The following PCDHA10 variants were observed in gnomAD, a reference collection of about 807,000 sequenced individuals.
PCDHA10 encodes the protein protocadherin alpha 10, also known as protocadherin alpha-10.
A neutral mutation model predicts 61.2 loss-of-function variants in PCDHA10; 45 were observed. The observed-to-expected ratio is 0.74, with a 90% confidence interval of 0.58 to 0.94. The LOEUF (loss-of-function observed/expected upper bound fraction) is 0.94, where lower values mean the gene tolerates loss of function less well. PCDHA10 is among the 40% of genes least tolerant of loss of function. PCDHA10 has a pLI of 0.00. For synonymous variants in PCDHA10, 602 were observed against 548.8 expected (o/e 1.10, Z -1.35); for missense variants, 1,278 against 1,236.2 (o/e 1.03, Z -0.51).
chr5:140,870,229 C>G, intron 1 of PCDHA10: 3 of 1,614,164 alleles, frequency 1.9e-6, no homozygotes, highest in Non-Finnish European at 2.5e-6. Flanking sequence ...CGTGTCTGAC[C>G]GTGACTCAGG....
chr5:140,969,642 A>G (rs2096350693), intron 1 of PCDHA10: 1 of 206,874 alleles, frequency 4.8e-6, no homozygotes, highest in African/African-American at 2.4e-5. Context: ...GCCTTGGAAT[A>G]GGGATTATGT....
At chr5:141,001,388 TAC>T (rs1234412755) in intron 3 of PCDHA10, among the ~76,000 whole-genome samples, 4 of 152,238 alleles carry the variant, frequency 2.6e-5, no homozygotes, top group Non-Finnish European at 5.9e-5. Flanking sequence ...CCTAAGATCC[TAC>T]AGAGAACAGG....
intron 1 of PCDHA10, among the ~76,000 whole-genome samples, chr5:140,974,881 C>A (rs191346198): frequency 6.6e-6 from 1 of 152,228 alleles, no homozygotes; most frequent in African/African-American, 2.4e-5. Flanking sequence ...GTCTATGTAT[C>A]CCTTTTCTGA....
intron 1 of PCDHA10, among the ~76,000 whole-genome samples, chr5:140,897,960 T>C (rs2066423336): frequency 6.6e-6 from 1 of 152,276 alleles, no homozygotes; most frequent in South Asian, 2.1e-4. Flanking sequence ...CATTTTTTCA[T>C]GTGTCTTTTG....
At chr5:140,943,024 A>C (rs2093406550) in intron 1 of PCDHA10, among the ~76,000 whole-genome samples, 1 of 152,102 alleles carries the variant, frequency 6.6e-6, no homozygotes, top group Admixed American at 6.6e-5. Context: ...TGGGAGGCTG[A>C]GGTGGGTGGA....
chr5:140,952,923 C>CAGGA (rs1455819119), intron 1 of PCDHA10, among the ~76,000 whole-genome samples: 1 of 151,990 alleles, frequency 6.6e-6, no homozygotes, highest in Non-Finnish European at 1.5e-5. Flanking sequence ...ATGGCATGAG[C>CAGGA]AGGAGCAGGA....
chr5:140,858,790 A>G, intron 1 of PCDHA10: 1 of 388,116 alleles, frequency 2.6e-6, no homozygotes, highest in Non-Finnish European at 4.7e-6. Context: ...ATGTTATTTC[A>G]TTTCCAATCT....
chr5:140,869,739 A>G lies in PCDHA10; in HGVS notation c.2388+11303A>G, dbSNP rs541641507. 5 of 1,613,386 alleles carry G rather than the reference A, an allele frequency of 3.1e-6. No individual in the cohort carries two copies. In the South Asian group the frequency reaches 5.5e-5, roughly 18 times the overall value. Reference sequence around the variant, plus strand: ...AAACTCCGGAACTTAATTTGCTGCTAACAGCTACAGACGGGGGAAAACCAG... The same window carrying G: ...AAACTCCGGAACTTAATTTGCTGCTGACAGCTACAGACGGGGGAAAACCAG... On this transcript the variant is annotated intron_variant, in intron 1 of 3. Transcript: ENST00000307360.
At chr5:140,953,988 A>G (rs1554221181) in intron 1 of PCDHA10, among the ~76,000 whole-genome samples, 1 of 151,898 alleles carries the variant, frequency 6.6e-6, no homozygotes, top group African/African-American at 2.4e-5. Flanking sequence ...TCATATTTTC[A>G]TGTGTACTCA....
At chr5:140,954,650 C>G (rs2095069221) in intron 1 of PCDHA10, among the ~76,000 whole-genome samples, 1 of 151,902 alleles carries the variant, frequency 6.6e-6, no homozygotes, top group Non-Finnish European at 1.5e-5. Context: ...TGTTTAAGTT[C>G]CTTGTAGACT....
chr5:140,993,342 C>T (rs1554253606), intron 3 of PCDHA10, among the ~76,000 whole-genome samples: 1 of 151,994 alleles, frequency 6.6e-6, no homozygotes, highest in African/African-American at 2.4e-5. Flanking sequence ...TTGAAGGGCA[C>T]TACGAAGATC....
chr5:140,871,146 T>G (rs372974792), intron 1 of PCDHA10: 2 of 1,613,386 alleles, frequency 1.2e-6, no homozygotes, highest in African/African-American at 2.7e-5. Flanking sequence ...CTTCCCGGAC[T>G]TTGGCGGGCG....
At chr5:140,892,721 T>A (rs1554185338) in intron 1 of PCDHA10, among the ~76,000 whole-genome samples, 1 of 152,226 alleles carries the variant, frequency 6.6e-6, no homozygotes, top group Admixed American at 6.5e-5. Flanking sequence ...ATTCATAATC[T>A]CAAACATTTA....
intron 1 of PCDHA10, among the ~76,000 whole-genome samples, chr5:140,910,738 C>G (rs2075147470): frequency 6.6e-6 from 1 of 152,098 alleles, no homozygotes; most frequent in Non-Finnish European, 1.5e-5. Context: ...GCTAACCAAG[C>G]ACATAAATTA....
At chr5:140,900,559 G>A (rs542075943) in intron 1 of PCDHA10, among the ~76,000 whole-genome samples, 2 of 152,314 alleles carry the variant, frequency 1.3e-5, no homozygotes, top group African/African-American at 2.4e-5. Context: ...TTACAGGCGT[G>A]AGCCACGGCA....
intron 1 of PCDHA10, among the ~76,000 whole-genome samples, chr5:140,890,615 C>A (rs1266338521): frequency 6.6e-6 from 1 of 152,026 alleles, no homozygotes; most frequent in Non-Finnish European, 1.5e-5. Context: ...AGTGCTTACC[C>A]TAGAAAATTA....
intron 1 of PCDHA10, chr5:140,884,538 G>C: frequency 6.2e-7 from 1 of 1,614,112 alleles, no homozygotes; most frequent in Non-Finnish European, 8.5e-7. Flanking sequence ...AGGCGGCCGA[G>C]GGTGTGCTCT....
intron 1 of PCDHA10, among the ~76,000 whole-genome samples, chr5:140,904,555 C>A (rs1345633704): frequency 6.6e-6 from 1 of 151,632 alleles, no homozygotes. Flanking sequence ...CATATAATGA[C>A]TTTTTTTTCC....
intron 1 of PCDHA10, among the ~76,000 whole-genome samples, chr5:140,976,370 G>A (rs1392898202): frequency 6.6e-6 from 1 of 152,018 alleles, no homozygotes; most frequent in Non-Finnish European, 1.5e-5. Context: ...GGCCAACATG[G>A]TGAAACCCCA....
Sources: allele counts gnomAD v4.1 joint callset (sites outside exome capture counted in the v4.1 genomes callset), GRCh38; gene constraint gnomAD v4.1.1; transcripts MANE v1.5; gene names NCBI Gene and HGNC (gene_info 2026-07-23, HGNC 2026-07-21).